NRXN1: variants seen among roughly 807,000 people sequenced by gnomAD.
NRXN1 encodes neurexin 1.
In NRXN1, 39 loss-of-function variants were observed where a neutral mutation model predicts 150.9. That is an observed-to-expected ratio of 0.26 (90% CI 0.20 to 0.34). The LOEUF is 0.34. Among genes scored for constraint, NRXN1 ranks in the 10% least tolerant of loss-of-function variants. The pLI is 1.00. For synonymous variants in NRXN1, 924 were observed against 757.0 expected (o/e 1.22, Z -3.62); for missense variants, 1,815 against 1,949.9 (o/e 0.93, Z 1.30).
chr2:50,633,027 G>T (rs1177805561), intron 5 of NRXN1: 4 of 152,072 alleles, frequency 2.6e-5, no homozygotes, highest in Non-Finnish European at 1.5e-5. Context: ...AATGTAAAGG[G>T]TGTATAACTC....
At chr2:50,850,280 T>G (rs1674328880) in intron 5 of NRXN1, among the ~76,000 whole-genome samples, 1 of 152,052 alleles carries the variant, frequency 6.6e-6, no homozygotes, top group Non-Finnish European at 1.5e-5. Flanking sequence ...GTTGTTTGTT[T>G]GTTTTAAATA....
chr2:50,768,304 T>C lies in NRXN1; in HGVS notation c.833-144689A>G, dbSNP rs562100879. On this transcript the variant is annotated intron_variant, in intron 5 of 22. Coordinates refer to ENST00000401669, the MANE Select transcript of NRXN1 (RefSeq NM_001330078.2). The stretch of plus-strand genomic sequence containing the variant: ...AGAGACACACCTTGGTCAAACCAGG[T>C]AATAACTAATATGACTTTAGAAAAG... Among the ~76,000 whole-genome samples, 6 of 152,136 alleles carry C rather than the reference T, an allele frequency of 3.9e-5. No homozygotes were observed. The East Asian group carries it at 1.2e-3, about 30-fold the overall frequency.
intron 21 of NRXN1, among the ~76,000 whole-genome samples, chr2:49,980,803 T>C (rs1679869458): frequency 6.6e-6 from 1 of 152,096 alleles, no homozygotes; most frequent in African/African-American, 2.4e-5. Flanking sequence ...TAATTTATTT[T>C]CAGAGGGGTT....
intron 5 of NRXN1, among the ~76,000 whole-genome samples, chr2:50,834,270 A>G (rs1671796615): frequency 6.6e-6 from 1 of 152,212 alleles, no homozygotes; most frequent in Non-Finnish European, 1.5e-5. Context: ...AAATCTGAAT[A>G]CATTTGTTTT....
chr2:50,239,837 C>T (rs1008083503), intron 17 of NRXN1, among the ~76,000 whole-genome samples: 1 of 149,816 alleles, frequency 6.7e-6, no homozygotes. Flanking sequence ...CATAAAGTGA[C>T]ATTTGCTCTT....
At chr2:50,077,940 A>T (rs1259308916) in intron 19 of NRXN1, among the ~76,000 whole-genome samples, 1 of 152,094 alleles carries the variant, frequency 6.6e-6, no homozygotes, top group East Asian at 1.9e-4. Flanking sequence ...AACACAGTTA[A>T]ATTCATAAAG....
chr2:50,366,540 A>G (rs556544831), intron 17 of NRXN1, among the ~76,000 whole-genome samples: 1 of 152,124 alleles, frequency 6.6e-6, no homozygotes, highest in South Asian at 2.1e-4. Context: ...GAGTAGCAAT[A>G]TGTCCCACTA....
At chr2:50,253,853 G>C (rs918660859) in intron 17 of NRXN1, among the ~76,000 whole-genome samples, 1 of 142,552 alleles carries the variant, frequency 7.0e-6, no homozygotes, top group African/African-American at 2.6e-5. Flanking sequence ...TGTTCATCCA[G>C]GATATTGACC....
At chr2:50,221,466 T>C (rs1231736231) in intron 18 of NRXN1, among the ~76,000 whole-genome samples, 1 of 152,034 alleles carries the variant, frequency 6.6e-6, no homozygotes, top group Non-Finnish European at 1.5e-5. Flanking sequence ...TTTTACATTG[T>C]ATTAGTAAAA....
At chr2:50,223,434 G>C (rs2064078029) in intron 18 of NRXN1, among the ~76,000 whole-genome samples, 2 of 151,896 alleles carry the variant, frequency 1.3e-5, no homozygotes, top group Admixed American at 1.3e-4. Context: ...TGGAGGCGGA[G>C]CTAGAATTTA....
chr2:50,224,154 G>A (rs2064140725), intron 18 of NRXN1, among the ~76,000 whole-genome samples: 1 of 151,902 alleles, frequency 6.6e-6, no homozygotes, highest in South Asian at 2.1e-4. Context: ...AGACTCACTG[G>A]TTTCACATCA....
chr2:50,138,629 T>G (rs953964112), intron 18 of NRXN1, among the ~76,000 whole-genome samples: 17 of 152,346 alleles, frequency 1.1e-4, no homozygotes, highest in African/African-American at 4.1e-4. Flanking sequence ...TTCATTCCCC[T>G]TCTCACATCT....
intron 18 of NRXN1, among the ~76,000 whole-genome samples, chr2:50,167,359 A>G (rs979949247): frequency 2.6e-5 from 4 of 152,086 alleles, no homozygotes; most frequent in Admixed American, 2.0e-4. Flanking sequence ...CTCTCGCTCA[A>G]CATGAAGGCA....
At chr2:50,149,345 AAAG>A (rs2058561566) in intron 18 of NRXN1, among the ~76,000 whole-genome samples, 1 of 151,754 alleles carries the variant, frequency 6.6e-6, no homozygotes, top group Non-Finnish European at 1.5e-5. Context: ...AAGTGCTGGC[AAAG>A]AAGTGGAGAT....
chr2:50,426,848 C>G (rs2084537489), intron 17 of NRXN1, among the ~76,000 whole-genome samples: 1 of 152,144 alleles, frequency 6.6e-6, no homozygotes, highest in East Asian at 1.9e-4. Flanking sequence ...TATACATTCT[C>G]TCTGCTCCAC....
At chr2:50,245,581 C>T (rs2066423518) in intron 17 of NRXN1, among the ~76,000 whole-genome samples, 1 of 151,836 alleles carries the variant, frequency 6.6e-6, no homozygotes, top group African/African-American at 2.4e-5. Context: ...CCTAAGTGTG[C>T]ATGTTCCCAG....
intron 8 of NRXN1, chr2:50,589,264 G>C (rs924324112): frequency 1.3e-5 from 2 of 152,396 alleles, no homozygotes; most frequent in South Asian, 2.1e-4. Context: ...ATATGGCAGG[G>C]GGTTTATGTT....
intron 5 of NRXN1, among the ~76,000 whole-genome samples, chr2:50,641,872 A>G (rs1216327808): frequency 2.6e-5 from 4 of 152,056 alleles, no homozygotes; most frequent in East Asian, 3.9e-4. Context: ...GAACTCCCTG[A>G]CATCCACTGA....
intron 17 of NRXN1, among the ~76,000 whole-genome samples, chr2:50,421,953 CTG>C (rs2084032296): frequency 6.6e-6 from 1 of 152,102 alleles, no homozygotes; most frequent in Non-Finnish European, 1.5e-5. Context: ...GATATATTCT[CTG>C]TACTTCTCCC....
Sources: allele counts gnomAD v4.1 joint callset (sites outside exome capture counted in the v4.1 genomes callset), GRCh38; gene constraint gnomAD v4.1.1; transcripts MANE v1.5; gene names NCBI Gene and HGNC (gene_info 2026-07-23, HGNC 2026-07-21).